Variants in PRELID2 observed in about 807,000 individuals in gnomAD.
The protein encoded by PRELID2 is PRELI domain containing 2, also known as PRELI domain-containing protein 2.
In PRELID2, 25 loss-of-function variants were observed where a neutral mutation model predicts 28.4. The ratio of observed to expected loss-of-function variants is 0.88; its 90% confidence interval spans 0.64 to 1.23. The LOEUF is 1.23. Ranked by LOEUF, PRELID2 falls within the 50% of genes most tolerant of loss-of-function variation. The probability of loss-of-function intolerance (pLI) is 0.00; values close to 1 mark genes in which losing one functional copy is unlikely to be tolerated. For synonymous variants in PRELID2, 76 were observed against 71.6 expected (o/e 1.06, Z -0.31); for missense variants, 201 against 214.4 (o/e 0.94, Z 0.39).
intron 1 of PRELID2, among the ~76,000 whole-genome samples, chr5:145,494,416 AT>A (rs1412752289): frequency 2.0e-5 from 3 of 152,198 alleles, no homozygotes; most frequent in African/African-American, 7.2e-5. Flanking sequence ...TGAAAGCAAT[AT>A]AGGATTAATA....
the PRELID2 span, among the ~76,000 whole-genome samples, chr5:145,427,426 A>T: frequency 6.6e-6 from 1 of 152,174 alleles, no homozygotes; most frequent in Admixed American, 6.5e-5. Flanking sequence ...TTATTCAGAC[A>T]AGAATCTAAA....
At chr5:145,518,708 G>A (rs1217155139) in intron 1 of PRELID2, among the ~76,000 whole-genome samples, 1 of 152,184 alleles carries the variant, frequency 6.6e-6, no homozygotes, top group Non-Finnish European at 1.5e-5. Flanking sequence ...TTGTTCTCAA[G>A]CAGGTGCAAT....
At chr5:145,584,232 C>G (rs1473873287) in intron 1 of PRELID2, among the ~76,000 whole-genome samples, 1 of 152,024 alleles carries the variant, frequency 6.6e-6, no homozygotes, top group African/African-American at 2.4e-5. Flanking sequence ...AACTGGCTAA[C>G]CATATGCAGA....
intron 1 of PRELID2, among the ~76,000 whole-genome samples, chr5:145,745,425 G>A (rs977161875): frequency 6.6e-6 from 1 of 152,096 alleles, no homozygotes; most frequent in African/African-American, 2.4e-5. Context: ...CTCCAAGGTT[G>A]AAATGAAGGA....
the PRELID2 span, among the ~76,000 whole-genome samples, chr5:145,296,139 G>A: frequency 4.0e-5 from 6 of 151,824 alleles, no homozygotes; most frequent in Admixed American, 3.9e-4. Context: ...AACTCATGTT[G>A]AAATTTAGCT....
At chr5:145,278,178 T>C in the PRELID2 span, among the ~76,000 whole-genome samples, 1 of 152,166 alleles carries the variant, frequency 6.6e-6, no homozygotes, top group East Asian at 1.9e-4. Context: ...GTTCTCCTTC[T>C]CAGGGAATAT....
downstream of PRELID2, among the ~76,000 whole-genome samples, chr5:145,756,016 C>T (rs559064880): frequency 1.3e-5 from 2 of 152,216 alleles, no homozygotes; most frequent in Non-Finnish European, 2.9e-5. Flanking sequence ...CAAGAAGCTA[C>T]ACTCTCTCTC....
the PRELID2 span, among the ~76,000 whole-genome samples, chr5:145,405,198 G>T: frequency 6.6e-6 from 1 of 152,040 alleles, no homozygotes; most frequent in African/African-American, 2.4e-5. Flanking sequence ...TCCCCAAAAA[G>T]AAAATTTCTC....
chr5:145,648,841 T>A (rs1754240284), intron 1 of PRELID2, among the ~76,000 whole-genome samples: 1 of 150,536 alleles, frequency 6.6e-6, no homozygotes, highest in Non-Finnish European at 1.5e-5. Flanking sequence ...ATAATATACA[T>A]ATACATTTTA....
chr5:145,536,694 GC>G (rs1330786854), intron 1 of PRELID2, among the ~76,000 whole-genome samples: 1 of 151,880 alleles, frequency 6.6e-6, no homozygotes, highest in Non-Finnish European at 1.5e-5. Context: ...CTTAGTCCTG[GC>G]CCCTTAGAGG....
At chr5:145,289,080 A>G in the PRELID2 span, among the ~76,000 whole-genome samples, 1 of 152,104 alleles carries the variant, frequency 6.6e-6, no homozygotes, top group African/African-American at 2.4e-5. Context: ...CATTTGTAAT[A>G]CAGTTAGATT....
At chr5:145,258,376 G>A in the PRELID2 span, among the ~76,000 whole-genome samples, 18 of 152,140 alleles carry the variant, frequency 1.2e-4, no homozygotes, top group Non-Finnish European at 2.2e-4. Context: ...TTAGAGACTG[G>A]TTAAGTGGTT....
intron 1 of PRELID2, among the ~76,000 whole-genome samples, chr5:145,528,226 G>A (rs908155952): frequency 1.3e-5 from 2 of 152,112 alleles, no homozygotes; most frequent in African/African-American, 2.4e-5. Context: ...CATCTGGAGA[G>A]CTATGTGATT....
chr5:145,726,229 G>T (rs1034934948), intron 1 of PRELID2, among the ~76,000 whole-genome samples: 2 of 101,848 alleles, frequency 2.0e-5, no homozygotes, highest in African/African-American at 8.8e-5. Flanking sequence ...AGGAAGGAAG[G>T]AAGGAAGGAG....
rs141211560 is a variant in PRELID2, at chr5:145,548,839, T to C, written n.71-75524A>G. Among the ~76,000 whole-genome samples, 5 of 152,324 alleles carry C rather than the reference T, an allele frequency of 3.3e-5. No homozygotes were observed. In the East Asian group the frequency reaches 9.6e-4, roughly 29 times the overall value. The stretch of plus-strand genomic sequence containing the variant: ...TTCCGTATTCTTTACTGACTTTTCA[T>C]GACTCTCTGAATAAGGCCCAAGGCT... On this transcript the variant is annotated intron_variant and non_coding_transcript_variant, in intron 1 of 2. Transcript: ENST00000510259.
chr5:145,381,238 C>T, the PRELID2 span, among the ~76,000 whole-genome samples: 10 of 152,154 alleles, frequency 6.6e-5, no homozygotes, highest in East Asian at 1.9e-4. Flanking sequence ...CATCAAAACA[C>T]CTGAAACTCA....
At chr5:145,295,479 T>A in the PRELID2 span, among the ~76,000 whole-genome samples, 2 of 152,092 alleles carry the variant, frequency 1.3e-5, no homozygotes, top group Admixed American at 1.3e-4. Context: ...TTTGCTGCAA[T>A]AAACAAAAAA....
At chr5:145,388,696 G>A in the PRELID2 span, among the ~76,000 whole-genome samples, 1 of 151,954 alleles carries the variant, frequency 6.6e-6, no homozygotes, top group African/African-American at 2.4e-5. Context: ...TCAGGGATTG[G>A]TCCTTAATTT....
chr5:145,653,948 C>G (rs1018350868), intron 1 of PRELID2, among the ~76,000 whole-genome samples: 2 of 151,934 alleles, frequency 1.3e-5, no homozygotes, highest in African/African-American at 2.4e-5. Flanking sequence ...CAAAAAATCA[C>G]TGAATCCAGG....
Sources: allele counts gnomAD v4.1 joint callset (sites outside exome capture counted in the v4.1 genomes callset), GRCh38; gene constraint gnomAD v4.1.1; transcripts MANE v1.5; gene names NCBI Gene and HGNC (gene_info 2026-07-23, HGNC 2026-07-21).